Variants in RIMS2 observed in about 807,000 individuals in gnomAD.
The protein encoded by RIMS2 is regulating synaptic membrane exocytosis 2.
RIMS2 carries 59 observed loss-of-function variants against 174.4 expected under a neutral mutation model. The observed-to-expected ratio is 0.34, with a 90% confidence interval of 0.27 to 0.42. RIMS2 has a LOEUF of 0.42. Among genes scored for constraint, RIMS2 ranks in the 10% least tolerant of loss-of-function variants. RIMS2 has a pLI of 1.00. For missense variants in RIMS2, 1,620 were observed against 1,666.3 expected (o/e 0.97, Z 0.48); for synonymous variants, 606 against 572.5 (o/e 1.06, Z -0.84).
At chr8:103,777,469 T>G (rs1046711475) in intron 3 of RIMS2, among the ~76,000 whole-genome samples, 4 of 152,012 alleles carry the variant, frequency 2.6e-5, no homozygotes, top group African/African-American at 9.7e-5. Context: ...AAAGGAGTTT[T>G]GTACTGGCTT....
chr8:103,777,842 A>G (rs2098335139), intron 3 of RIMS2, among the ~76,000 whole-genome samples: 1 of 152,040 alleles, frequency 6.6e-6, no homozygotes, highest in South Asian at 2.1e-4. Context: ...TAAAAAGATA[A>G]AAATAGAATT....
rs763377905 is a variant in RIMS2 at position 103,652,188 on chromosome 8, C to A, written c.177-44898C>A. 3.7e-6 allele frequency: 5 copies of A among 1,338,574 alleles called. No individual in the cohort carries two copies. In the Admixed American group the frequency reaches 9.5e-5, roughly 26 times the overall value. The allele number at this position is 1,338,574 out of a possible 1,614,324, so 82.9% of individuals were successfully genotyped here. A position where few individuals can be genotyped will look rare whatever the true frequency, so the allele number is the denominator to read the frequency against. On this transcript the variant is annotated intron_variant, in intron 1 of 23. Coordinates refer to ENST00000504942, the Ensembl canonical transcript of RIMS2. Reference sequence around the variant, plus strand: ...TCATAGTACAGTGCACTCAGTTGTGCAAACTTATCTTTTTAGGGTCAAAGA... The same window carrying A: ...TCATAGTACAGTGCACTCAGTTGTGAAAACTTATCTTTTTAGGGTCAAAGA...
At position 104,118,416 on chromosome 8, in the gene RIMS2, G is replaced by T. The variant is rs527945731; in HGVS notation, c.3334+103801G>T. Among the ~76,000 whole-genome samples, 492 of 149,218 alleles carry T rather than the reference G, an allele frequency of 3.3e-3. 1 individual carries two copies. The highest frequency in any genetic ancestry group is 5.7e-3 in the Non-Finnish European group (382 of 67,540). On this transcript the variant is annotated intron_variant, in intron 19 of 23. Transcript: ENST00000504942. ...GGGTCTTGTTCTGTCGCCCAGGCTGGAGTGTAGTGGCGCAATCTCAGCTCA... is the reference window on the plus strand; with the variant it reads ...GGGTCTTGTTCTGTCGCCCAGGCTGTAGTGTAGTGGCGCAATCTCAGCTCA...
At chr8:104,232,579 A>G (rs1190395958) in intron 19 of RIMS2, among the ~76,000 whole-genome samples, 1 of 152,184 alleles carries the variant, frequency 6.6e-6, no homozygotes, top group Admixed American at 6.5e-5. Context: ...ACCATACTGC[A>G]GGTTAATCCT....
At position 103,919,429 on chromosome 8, in the gene RIMS2, ACTTTGAC is replaced by A. The variant is rs2077194457; in HGVS notation, c.2083+943_2083+949del. On this transcript the variant is annotated intron_variant, in intron 9 of 23. Coordinates refer to ENST00000504942, the Ensembl canonical transcript of RIMS2. ...ATAGTCTATATAACCCACTGTAAGG[ACTTTGAC>A]TTTTACTTTCAGGAAAATTGGGAGC... Among the ~76,000 whole-genome samples the A allele has an allele frequency of 2.6e-5, 4 of 152,082 alleles. No individual in the cohort carries two copies. The South Asian group carries it at 8.3e-4, about 32-fold the overall frequency.
chr8:104,068,544 A>G (rs888960489), intron 19 of RIMS2: 29 of 1,567,262 alleles, frequency 1.9e-5, no homozygotes, highest in Admixed American at 1.4e-4. Context: ...AAATCGCCAA[A>G]TGAAAATTAA....
intron 19 of RIMS2, among the ~76,000 whole-genome samples, chr8:104,063,869 T>G (rs545728799): frequency 2.4e-4 from 37 of 152,322 alleles, no homozygotes; most frequent in African/African-American, 8.9e-4. Flanking sequence ...GGCATGCTCA[T>G]GCTCTTTCAG....
At chr8:103,736,868 C>A (rs560090713) in intron 2 of RIMS2, among the ~76,000 whole-genome samples, 1 of 152,108 alleles carries the variant, frequency 6.6e-6, no homozygotes, top group African/African-American at 2.4e-5. Flanking sequence ...ATCTTATAGA[C>A]CTTTGTGAGC....
chr8:103,836,557 C>T (rs577234065), intron 3 of RIMS2, among the ~76,000 whole-genome samples: 4 of 152,198 alleles, frequency 2.6e-5, no homozygotes, highest in Admixed American at 2.0e-4. Flanking sequence ...CAGACTGAGA[C>T]CCCATCTCTA....
At chr8:103,605,763 GCTA>G (rs1563977032) in intron 1 of RIMS2, among the ~76,000 whole-genome samples, 1 of 151,312 alleles carries the variant, frequency 6.6e-6, no homozygotes, top group East Asian at 2.0e-4. Context: ...ATCCATTTCT[GCTA>G]GATTTTCTAG....
chr8:104,094,536 G>A (rs1382859308), intron 19 of RIMS2: 1 of 701,662 alleles, frequency 1.4e-6, no homozygotes. Context: ...GATAGTTCAT[G>A]AGAAGGAAGA....
intron 3 of RIMS2, among the ~76,000 whole-genome samples, chr8:103,787,872 A>C (rs372699640): frequency 6.6e-6 from 1 of 152,112 alleles, no homozygotes; most frequent in African/African-American, 2.4e-5. Context: ...GTGTTTTCCA[A>C]CTTGGTTCCA....
rs75430313 is a variant in RIMS2, at chr8:104,045,641, T to C, written c.3334+31026T>C. 2.5e-4 allele frequency among the ~76,000 whole-genome samples: 38 copies of C among 151,988 alleles called. 1 individual carries two copies. In the East Asian group the frequency reaches 7.1e-3, roughly 29 times the overall value. On this transcript the variant is annotated intron_variant, in intron 19 of 23. Coordinates refer to ENST00000504942, the Ensembl canonical transcript of RIMS2. Reference sequence around the variant, plus strand: ...GTAGATCTCAACATAAAAAATGTTTTGTCAGCTATGTTTCTCACCAGTCTC... The same window carrying C: ...GTAGATCTCAACATAAAAAATGTTTCGTCAGCTATGTTTCTCACCAGTCTC...
rs536020105 is a variant in RIMS2, at chr8:103,749,207, G to T, written c.388-17020G>T. Reference sequence around the variant, plus strand: ...GCTTACTGCAAGCTCCGCCTCCCAGGTTCATGCCATTCTCCTCCCTCAGCC... The same window carrying T: ...GCTTACTGCAAGCTCCGCCTCCCAGTTTCATGCCATTCTCCTCCCTCAGCC... On this transcript the variant is annotated intron_variant, in intron 2 of 23. Coordinates refer to ENST00000504942, the Ensembl canonical transcript of RIMS2. 3.9e-5 allele frequency among the ~76,000 whole-genome samples: 6 copies of T among 151,910 alleles called. No homozygotes were observed. In the East Asian group the frequency reaches 1.2e-3, roughly 29 times the overall value.
At chr8:104,233,089 G>A (rs1190060536) in intron 19 of RIMS2, among the ~76,000 whole-genome samples, 2 of 152,094 alleles carry the variant, frequency 1.3e-5, no homozygotes, top group African/African-American at 2.4e-5. Flanking sequence ...AGAACGGGGG[G>A]AAATCTATAG....
At chr8:103,793,744 C>G (rs2098523666) in intron 3 of RIMS2, among the ~76,000 whole-genome samples, 1 of 152,140 alleles carries the variant, frequency 6.6e-6, no homozygotes, top group African/African-American at 2.4e-5. Context: ...TCTCAGGGTA[C>G]AAAATCAATG....
At chr8:103,623,981 C>T (rs191723291) in intron 1 of RIMS2, among the ~76,000 whole-genome samples, 5 of 151,998 alleles carry the variant, frequency 3.3e-5, no homozygotes, top group Non-Finnish European at 7.4e-5. Flanking sequence ...TCAATTAAAT[C>T]CAGAATAGAC....
chr8:103,801,454 T>C (rs915581324), intron 3 of RIMS2, among the ~76,000 whole-genome samples: 1 of 152,242 alleles, frequency 6.6e-6, no homozygotes, highest in Non-Finnish European at 1.5e-5. Context: ...AAAGTATTCT[T>C]TCTTTTCCTT....
intron 2 of RIMS2, among the ~76,000 whole-genome samples, chr8:103,743,167 A>G (rs569018389): frequency 7.9e-5 from 12 of 152,204 alleles, no homozygotes; most frequent in Non-Finnish European, 1.8e-4. Flanking sequence ...ATAAGCAAGT[A>G]CTTTTGTTAG....
Sources: allele counts gnomAD v4.1 joint callset (sites outside exome capture counted in the v4.1 genomes callset), GRCh38; gene constraint gnomAD v4.1.1; transcripts MANE v1.5; gene names NCBI Gene and HGNC (gene_info 2026-07-23, HGNC 2026-07-21).